The following KCTD19 variants were observed in gnomAD, a reference collection of about 807,000 sequenced individuals.
KCTD19 encodes BTB/POZ domain-containing protein KCTD19.
Under a neutral mutation model 103.5 loss-of-function variants are expected in KCTD19, and 67 were observed. The ratio of observed to expected loss-of-function variants is 0.65; its 90% CI spans 0.53 to 0.79. The LOEUF is 0.79. Among genes scored for constraint, KCTD19 ranks in the 30% least tolerant of loss-of-function variants. The pLI is 0.00. For synonymous variants in KCTD19, 439 were observed against 452.2 expected, an observed-to-expected ratio of 0.97 and a Z score of 0.37; for missense variants, 980 against 1,136.1, an observed-to-expected ratio of 0.86 and a Z score of 1.98.
rs11341413 is a variant in KCTD19 at position 67,303,544 on chromosome 16, AT to A, written c.452-208del. ...GGTAGGGAGTGGGGCATGGAAGTCTATTTTTTTTTCTTTTCTTTTTTGAGAT... is the reference window on the plus strand; with the variant it reads ...GGTAGGGAGTGGGGCATGGAAGTCTATTTTTTTTCTTTTCTTTTTTGAGAT... On this transcript the variant is annotated intron_variant, in intron 3 of 15. Transcript: ENST00000304372. The surrounding 1 kb of genome is among the most constrained non-coding windows in gnomAD (Gnocchi z 4.3). Among the ~76,000 whole-genome samples, 12,658 of 150,758 alleles carry A rather than the reference AT, an allele frequency of 0.084. 1,750 individuals carry two copies. The highest frequency in any genetic ancestry group is 0.29 in the African/African-American group (11,897 of 41,098).
intron 15 of KCTD19, 137 bp downstream of exon 15, chr16:67,290,748 C>G: frequency 1.4e-6 from 1 of 704,602 alleles, no homozygotes; most frequent in Non-Finnish European, 2.3e-6. Context: ...CAGTTTCTCC[C>G]TCCCTGGGAG....
chr16:67,321,168 C>A (rs1471774181), intron 1 of KCTD19, among the ~76,000 whole-genome samples: 1 of 151,978 alleles, frequency 6.6e-6, no homozygotes, highest in East Asian at 1.9e-4. Context: ...TCTGGCCTAA[C>A]AGAGCAAGAT....
chr16:67,299,277 C>T, intron 6 of KCTD19, 86 bp downstream of exon 6: 2 of 1,262,686 alleles, frequency 1.6e-6, no homozygotes, highest in East Asian at 4.7e-5. Context: ...TCACCTCTGG[C>T]TAGTGGGAAA....
In KCTD19 at chr16:67,320,676, G is replaced by A. The variant is rs1347530696; in HGVS notation, c.213C>T (p.Tyr71=). The A allele has an allele frequency of 1.9e-6, 3 of 1,614,070 alleles. No homozygotes were observed. Among genetic ancestry groups the A allele is most frequent in the African/African-American group, 2.7e-5 (2 of 74,926 alleles). ...AACTGGAGAAGGAGAGTTTGGAGGT[G>A]TAGAGGTAATAGTGCACGTGCCTAA... is the stretch of plus-strand genomic sequence containing the variant. The part of the protein sequence containing the change: ...STFRHVHYYL[Y]TSKLSFSSCA... The change falls in exon 2 of 16, where the codon TAC becomes TAT. Residue 71 remains tyrosine (Y), a synonymous_variant. Coordinates refer to ENST00000304372, the MANE Select transcript of KCTD19 (RefSeq NM_001100915.3). The surrounding 1 kb of genome is among the most constrained non-coding windows in gnomAD (Gnocchi z 4.0).
intron 15 of KCTD19, among the ~76,000 whole-genome samples, chr16:67,290,098 A>C (rs1297757998): frequency 1.3e-5 from 2 of 151,528 alleles, no homozygotes; most frequent in East Asian, 3.9e-4. Context: ...TGTTAAAATT[A>C]GATTAAGGAA....
chr16:67,297,597 G>A lies in KCTD19; in HGVS notation c.1053C>T (p.Ala351=). Reference sequence around the variant, plus strand: ...AGGTGATGTCCCTTTTGTCTAGGAAGGCACAGAGCTCATATACCTCGGAAA... The same window carrying A: ...AGGTGATGTCCCTTTTGTCTAGGAAAGCACAGAGCTCATATACCTCGGAAA... ...ETISEVYELC[A]FLDKRDITYE... is the part of the protein sequence containing the mutation. The change falls in exon 7 of 16, where the codon GCC becomes GCT. Residue 351 remains alanine, a synonymous_variant. Transcript: ENST00000304372. 1 of 1,614,098 alleles carries A rather than the reference G, an allele frequency of 6.2e-7. No individual in the cohort carries two copies. The highest frequency in any genetic ancestry group is 8.5e-7 in the Non-Finnish European group (1 of 1,180,016).
At chr16:67,289,970 C>T (rs1317325672) in intron 15 of KCTD19, among the ~76,000 whole-genome samples, 2 of 152,146 alleles carry the variant, frequency 1.3e-5, no homozygotes, top group African/African-American at 4.8e-5. Flanking sequence ...CACATATGAG[C>T]CAGATGCCTA....
chr16:67,289,444 T>G lies in KCTD19; in HGVS notation c.*125A>C. The G allele has an allele frequency of 1.8e-6, 1 of 560,964 alleles. No individual in the cohort carries two copies. Among genetic ancestry groups the G allele is most frequent in the Non-Finnish European group, 3.2e-6 (1 of 311,836 alleles). 34.7% of individuals were successfully genotyped at this position (560,964 alleles called of 1,614,324 possible). ...TAGGTCTTTGATGTGTGATTTAATC[T>G]TTTATTTGTTTATAATAAAAAATAG... On this transcript the variant is annotated 3_prime_UTR_variant, in exon 16 of 16. Transcript: ENST00000304372.
At position 67,320,280 on chromosome 16, in the gene KCTD19, G is replaced by A. The variant is rs2037057653; in HGVS notation, c.300+309C>T. ...ATGCACCTGTGTTCCCAGCTACTCAGAGGGACTGAGGTGGGAGGTGGGAAG... is the reference window on the plus strand; with the variant it reads ...ATGCACCTGTGTTCCCAGCTACTCAAAGGGACTGAGGTGGGAGGTGGGAAG... On this transcript the variant is annotated intron_variant, in intron 2 of 15. Coordinates refer to ENST00000304372, the MANE Select transcript of KCTD19 (RefSeq NM_001100915.3). This position sits in a 1 kb window ranked among gnomAD's most constrained non-coding sequence, Gnocchi z 4.0. Among the ~76,000 whole-genome samples the A allele has an allele frequency of 6.6e-6, 1 of 152,214 alleles. No homozygotes were observed.
At chr16:67,291,571 C>A in intron 13 of KCTD19, 75 bp downstream of exon 13, 1 of 1,571,274 alleles carries the variant, frequency 6.4e-7, no homozygotes. Context: ...ACTGTCTCTG[C>A]CTGAAGTACC....
At position 67,304,356 on chromosome 16, in the gene KCTD19, C is replaced by T. The variant is rs111836885; in HGVS notation, c.451+65G>A. ...TCTGCTCTCTGGATGGAAGCCACTTCTGTTAGGGTGAGGAGAGGGAAAGTT... is the reference window on the plus strand; with the variant it reads ...TCTGCTCTCTGGATGGAAGCCACTTTTGTTAGGGTGAGGAGAGGGAAAGTT... On this transcript the variant is annotated intron_variant, in intron 3 of 15. Transcript: ENST00000304372. The T allele has an allele frequency of 2.4e-3, 3,633 of 1,525,490 alleles. 94 individuals carry two copies. The African/African-American group carries it at 0.042, about 18-fold the overall frequency. The allele number at this position is 1,525,490 out of a possible 1,614,324, so 94.5% of individuals were successfully genotyped here.
In KCTD19 at chr16:67,299,402, A is replaced by T. The variant is rs768808484; in HGVS notation, c.947T>A (p.Leu316Gln). The part of the protein sequence containing the change: ...RIESTLDGSR[L>Q]YITGNGVLFQ... The stretch of plus-strand genomic sequence containing the variant: ...GAGGACGCCATTCCCTGTGATGTAC[A>T]GTCGGCTTCCGTCTAGCGTGCTCTC... Residue 316 changes from leucine (L) to glutamine (Q), a missense_variant, in exon 6 of 16, where the codon CTG becomes CAG. Physicochemically the swap from Leu to Gln is moderately radical, Grantham distance 113. Transcript: ENST00000304372. The T allele has an allele frequency of 6.2e-6, 10 of 1,614,140 alleles. No homozygotes were observed. Among genetic ancestry groups the T allele is most frequent in the Non-Finnish European group, 8.5e-6 (10 of 1,180,048 alleles).
intron 6 of KCTD19, among the ~76,000 whole-genome samples, chr16:67,297,967 T>C (rs1449073233): frequency 6.6e-6 from 1 of 151,682 alleles, no homozygotes; most frequent in Non-Finnish European, 1.5e-5. Context: ...ATTTTTTGTA[T>C]TTTTAGTAGA....
chr16:67,326,585 C>T, intron 1 of KCTD19, 120 bp downstream of exon 1: 1 of 1,400,692 alleles, frequency 7.1e-7, no homozygotes, highest in Non-Finnish European at 9.6e-7. Flanking sequence ...CTGGGGGCCC[C>T]TCGCTCTCTC....
chr16:67,306,335 G>A lies in KCTD19; in HGVS notation c.301-1764C>T, dbSNP rs571271986. 3.3e-3 allele frequency among the ~76,000 whole-genome samples: 497 copies of A among 152,128 alleles called. 4 individuals carry two copies. Among genetic ancestry groups the A allele is most frequent in the Non-Finnish European group, 4.4e-3 (296 of 67,968 alleles). On this transcript the variant is annotated intron_variant, in intron 2 of 15. Coordinates refer to ENST00000304372, the MANE Select transcript of KCTD19 (RefSeq NM_001100915.3). ...GGCTGGAGTGCAGTGGTGCAATCTC[G>A]GCTCACTGCAACCTCCGCCTCCTGG...
intron 9 of KCTD19, 66 bp downstream of exon 9, chr16:67,295,197 T>C (rs2036750630): frequency 1.3e-6 from 2 of 1,590,268 alleles, no homozygotes; most frequent in Non-Finnish European, 1.7e-6. Flanking sequence ...AACTCAGGTC[T>C]CCTTTGTTGC....
intron 2 of KCTD19, among the ~76,000 whole-genome samples, chr16:67,311,144 G>T (rs1018279448): frequency 2.0e-5 from 3 of 152,196 alleles, no homozygotes; most frequent in African/African-American, 7.2e-5. Context: ...AAAGAGTACA[G>T]CCCAGTGAGG....
Position 67,301,899 on chromosome 16 carries a change from T to G in KCTD19, c.667A>C (p.Ile223Leu), listed in dbSNP as rs1198630106. 2.5e-6 allele frequency: 4 copies of G among 1,613,718 alleles called. No individual in the cohort carries two copies. The highest frequency in any genetic ancestry group is 3.4e-6 in the Non-Finnish European group (4 of 1,179,782). ...FIVNFLRSQK[I>L]LLPDNFSNID... ...TTGGAGAAATTATCCGGTAGTAAAATCTTCTGTGAGCGAAGAAAATTCACT... is the reference window on the plus strand; with the variant it reads ...TTGGAGAAATTATCCGGTAGTAAAAGCTTCTGTGAGCGAAGAAAATTCACT... Residue 223 changes from isoleucine to leucine, a missense_variant, in exon 5 of 16, where the codon ATT becomes CTT. Coordinates refer to ENST00000304372, the MANE Select transcript of KCTD19 (RefSeq NM_001100915.3).
Position 67,303,245 on chromosome 16 carries a change from C to G in KCTD19, c.544G>C (p.Val182Leu). The G allele has an allele frequency of 6.2e-7, 1 of 1,614,090 alleles. No homozygotes were observed. The highest frequency in any genetic ancestry group is 8.5e-7 in the Non-Finnish European group (1 of 1,179,992). ...VHYCFLPLDLVAKYPSLVTED... is the reference protein window; with the variant it reads ...VHYCFLPLDLLAKYPSLVTED... ...GTCACTAGGCTGGGATATTTGGCCA[C>G]CAGGTCTAGGGGCAGGAAGCAGTAG... The change falls in exon 4 of 16, where the codon GTG becomes CTG. Residue 182 changes from valine (V) to leucine (L), a missense_variant. By Grantham distance (32) the Val-to-Leu change is conservative (BLOSUM62 1). Coordinates refer to ENST00000304372, the MANE Select transcript of KCTD19 (RefSeq NM_001100915.3). The surrounding 1 kb of genome is among the most constrained non-coding windows in gnomAD (Gnocchi z 4.3).
Sources: allele counts gnomAD v4.1 joint callset (sites outside exome capture counted in the v4.1 genomes callset), GRCh38; gene constraint gnomAD v4.1.1; non-coding constraint Gnocchi (gnomAD v3.1); transcripts MANE v1.5; gene names NCBI Gene and HGNC (gene_info 2026-07-23, HGNC 2026-07-21).